The following TECTA variants were observed in gnomAD, a reference collection of about 807,000 sequenced individuals.
TECTA encodes alpha-tectorin.
In TECTA, 128 loss-of-function variants were observed where a neutral mutation model predicts 216.8. That is an observed-to-expected ratio of 0.59 (90% CI 0.51 to 0.68). The LOEUF (loss-of-function observed/expected upper bound fraction) is 0.68, where lower values mean the gene tolerates loss of function less well. Ranked by LOEUF, TECTA falls within the 30% of genes least tolerant of loss-of-function variation. TECTA has a pLI of 0.00. For synonymous variants in TECTA, 1,089 were observed against 1,117.1 expected, an observed-to-expected ratio of 0.97 and a Z score of 0.50; for missense variants, 2,551 against 2,786.2, an observed-to-expected ratio of 0.92 and a Z score of 1.90.
chr11:121,132,100 T>C (rs941488880), intron 10 of TECTA, among the ~76,000 whole-genome samples: 15 of 152,244 alleles, frequency 9.9e-5, no homozygotes, highest in Non-Finnish European at 1.8e-4. Flanking sequence ...TATCCAGTGA[T>C]GATTTTTGTC....
At chr11:121,121,985 T>C (rs1946562885) in intron 7 of TECTA, among the ~76,000 whole-genome samples, 1 of 152,130 alleles carries the variant, frequency 6.6e-6, no homozygotes, top group South Asian at 2.1e-4. Context: ...AGCCATATTA[T>C]AGGCAAGGTC....
Position 121,128,031 on chromosome 11 carries a change from G to C in TECTA, c.2054G>C (p.Cys685Ser), listed in dbSNP as rs765707469. The change falls in exon 9 of 24, where the codon TGC becomes TCC. Residue 685 changes from cysteine to serine, a missense_variant. Physicochemically the swap from Cys to Ser is moderately radical, Grantham distance 112. This residue lies in a region of TECTA where 2,375 missense variants were observed against 2,563.9 expected (regional missense o/e 0.93). Coordinates refer to ENST00000392793, the MANE Select transcript of TECTA (RefSeq NM_005422.4). ...CLCEEGGDVY[C>S]FNKTCGSGEV... Reference sequence around the variant, plus strand: ...TGCGAGGAGGGCGGGGACGTCTACTGCTTCAACAAGACCTGCGGCAGCGGG... The same window carrying C: ...TGCGAGGAGGGCGGGGACGTCTACTCCTTCAACAAGACCTGCGGCAGCGGG... The C allele has an allele frequency of 6.2e-7, 1 of 1,613,248 alleles. No homozygotes were observed. Among genetic ancestry groups the C allele is most frequent in the Non-Finnish European group, 8.5e-7 (1 of 1,179,742 alleles).
At chr11:121,143,837 T>G (rs1394668060) in intron 11 of TECTA, among the ~76,000 whole-genome samples, 1 of 152,206 alleles carries the variant, frequency 6.6e-6, no homozygotes, top group African/African-American at 2.4e-5. Flanking sequence ...GCAAGAGATC[T>G]CAGCAGGGCT....
intron 10 of TECTA, among the ~76,000 whole-genome samples, chr11:121,133,454 G>A (rs554091893): frequency 6.6e-6 from 1 of 152,218 alleles, no homozygotes; most frequent in East Asian, 1.9e-4. Flanking sequence ...GTTCTTTTGG[G>A]GTGCCAGGAT....
intron 8 of TECTA, among the ~76,000 whole-genome samples, chr11:121,126,226 C>T (rs912858192): frequency 3.9e-5 from 6 of 152,130 alleles, no homozygotes; most frequent in African/African-American, 1.4e-4. Flanking sequence ...CAGCTGTGGG[C>T]CTGGGTCATC....
Position 121,113,364 on chromosome 11 carries a change from T to C in TECTA, c.624+155T>C, listed in dbSNP as rs1195037402. ...ACTACGAGGCTAGTCCTGCCCATGT[T>C]TGGCACCCTGACTCGGCTATGAAAT... On this transcript the variant is annotated intron_variant, in intron 5 of 23. Coordinates refer to ENST00000392793, the MANE Select transcript of TECTA (RefSeq NM_005422.4). The surrounding 1 kb of genome is among the most constrained non-coding windows in gnomAD (Gnocchi z 4.2). 2.0e-5 allele frequency among the ~76,000 whole-genome samples: 3 copies of C among 152,012 alleles called. No homozygotes were observed.
chr11:121,112,812 C>T (rs1946454449), intron 4 of TECTA, among the ~76,000 whole-genome samples: 1 of 152,232 alleles, frequency 6.6e-6, no homozygotes, highest in Non-Finnish European at 1.5e-5. Context: ...TGGTAGAAGT[C>T]AGAGATATAA....
chr11:121,130,284 C>T (rs1946661445), intron 10 of TECTA, 73 bp downstream of exon 10: 1 of 1,539,982 alleles, frequency 6.5e-7, no homozygotes, highest in Non-Finnish European at 8.8e-7. Flanking sequence ...TTACTCAGGA[C>T]TTCCCTTCCA....
chr11:121,186,227 A>G (rs1033931846), intron 20 of TECTA, among the ~76,000 whole-genome samples: 1 of 152,170 alleles, frequency 6.6e-6, no homozygotes, highest in African/African-American at 2.4e-5. Flanking sequence ...CCACTAAAGT[A>G]TTTTGGGGTC....
chr11:121,110,004 C>CT (rs576722449), intron 4 of TECTA: 97 of 170,810 alleles, frequency 5.7e-4, no homozygotes, highest in African/African-American at 2.3e-3. Flanking sequence ...GTTGTGACAT[C>CT]TTTTTTATTG....
intron 10 of TECTA, among the ~76,000 whole-genome samples, chr11:121,135,674 T>C (rs1946719041): frequency 6.6e-6 from 1 of 152,252 alleles, no homozygotes; most frequent in Admixed American, 6.5e-5. Context: ...TGCCATGCAA[T>C]TTATTTCTCT....
chr11:121,144,312 C>T (rs994582588), intron 11 of TECTA, among the ~76,000 whole-genome samples: 8 of 152,128 alleles, frequency 5.3e-5, no homozygotes, highest in South Asian at 2.1e-4. Flanking sequence ...ATTGGCGTGG[C>T]GGTAGTGACT....
At chr11:121,119,015 A>AG (rs60472463) in intron 7 of TECTA, among the ~76,000 whole-genome samples, 2 of 150,234 alleles carry the variant, frequency 1.3e-5, no homozygotes, top group Non-Finnish European at 1.5e-5. Context: ...ACACACACAC[A>AG]CACACACACA....
In TECTA at chr11:121,113,799, G is replaced by A; in HGVS notation, c.790+81G>A. The A allele has an allele frequency of 6.5e-7, 1 of 1,543,228 alleles. No individual in the cohort carries two copies. The highest frequency in any genetic ancestry group is 8.9e-7 in the Non-Finnish European group (1 of 1,126,428). ...GGCAAGCTTTTAAGCCACGGGGGCG[G>A]ACTCATTCCTGATGCCTTACTCTTT... On this transcript the variant is annotated intron_variant, in intron 6 of 23. Transcript: ENST00000392793. The surrounding 1 kb of genome is among the most constrained non-coding windows in gnomAD (Gnocchi z 4.2).
intron 10 of TECTA, among the ~76,000 whole-genome samples, chr11:121,134,147 C>T (rs1181489890): frequency 6.6e-6 from 1 of 152,116 alleles, no homozygotes; most frequent in Non-Finnish European, 1.5e-5. Flanking sequence ...TAACAGGGTG[C>T]TTCGCGCTCA....
At chr11:121,176,817 A>C (rs1359687513) in intron 20 of TECTA, among the ~76,000 whole-genome samples, 2 of 152,110 alleles carry the variant, frequency 1.3e-5, no homozygotes, top group South Asian at 2.1e-4. Flanking sequence ...TACACCAATC[A>C]GACATAGATT....
chr11:121,181,503 CTT>C (rs1056350604), intron 20 of TECTA, among the ~76,000 whole-genome samples: 9 of 143,466 alleles, frequency 6.3e-5, no homozygotes, highest in Admixed American at 1.3e-4. Context: ...GAGTTTTGCT[CTT>C]GTTGCCCATG....
Position 121,158,141 on chromosome 11 carries a change from G to A in TECTA, c.4606G>A (p.Ala1536Thr). Reference sequence around the variant, plus strand: ...TATCATCAACTTCGACAAGTGGTCGGCCCCCAACCTCACCATCATTTCGCC... The same window carrying A: ...TATCATCAACTTCGACAAGTGGTCGACCCCCAACCTCACCATCATTTCGCC... ...QLIINFDKWS[A>T]PNLTIISPVY... The change falls in exon 14 of 24, where the codon GCC becomes ACC. Residue 1536 changes from alanine (A) to threonine (T), a missense_variant. By Grantham distance (58) the Ala-to-Thr change is moderately conservative. Around this residue, in one of 3 missense-constraint regions of TECTA, gnomAD observed 2,375 missense variants for 2,563.9 expected, o/e 0.93. Coordinates refer to ENST00000392793, the MANE Select transcript of TECTA (RefSeq NM_005422.4). 6.2e-7 allele frequency: 1 copy of A among 1,614,086 alleles called. No homozygotes were observed. The highest frequency in any genetic ancestry group is 8.5e-7 in the Non-Finnish European group (1 of 1,180,006).
At chr11:121,140,839 C>T (rs1946777781) in intron 11 of TECTA, 1 of 152,246 alleles carries the variant, frequency 6.6e-6, no homozygotes, top group African/African-American at 2.4e-5. Flanking sequence ...GAGTTAGCCC[C>T]ACCTAATCCA....
Sources: allele counts gnomAD v4.1 joint callset (sites outside exome capture counted in the v4.1 genomes callset), GRCh38; gene constraint gnomAD v4.1.1; regional missense constraint gnomAD v4.1.1; non-coding constraint Gnocchi (gnomAD v3.1); transcripts MANE v1.5; gene names NCBI Gene and HGNC (gene_info 2026-07-23, HGNC 2026-07-21).